Variants in TNIK observed in about 807,000 individuals in gnomAD.
The protein encoded by TNIK is TRAF2 and NCK interacting kinase.
A neutral mutation model predicts 191.3 loss-of-function variants in TNIK; 49 were observed. The observed-to-expected ratio is 0.26, with a 90% CI of 0.20 to 0.32. TNIK has a LOEUF of 0.32. TNIK is among the 10% of genes least tolerant of loss of function. TNIK has a pLI of 1.00. For missense variants in TNIK, 1,155 were observed against 1,702.3 expected (o/e 0.68, Z 5.66); for synonymous variants, 594 against 600.9 (o/e 0.99, Z 0.17).
chr3:171,071,043 TAGC>T (rs1319086476), intron 29 of TNIK, among the ~76,000 whole-genome samples, 177 bp downstream of exon 29: 1 of 152,350 alleles, frequency 6.6e-6, no homozygotes, highest in Non-Finnish European at 1.5e-5. Flanking sequence ...TCTAATTTTA[TAGC>T]ATTTACAAAT....
chr3:171,319,653 G>A (rs572533357), intron 2 of TNIK, among the ~76,000 whole-genome samples: 114 of 152,272 alleles, frequency 7.5e-4, no homozygotes, highest in Non-Finnish European at 1.2e-3. Flanking sequence ...ATGGATTTAT[G>A]AGCAGTTGAT....
At chr3:171,220,273 A>C (rs1742136497) in intron 3 of TNIK, among the ~76,000 whole-genome samples, 1 of 152,146 alleles carries the variant, frequency 6.6e-6, no homozygotes, top group Admixed American at 6.6e-5. Context: ...GGAGAGCATT[A>C]GGAGAAACAC....
intron 3 of TNIK, among the ~76,000 whole-genome samples, chr3:171,213,613 T>C (rs1401220610): frequency 1.3e-5 from 2 of 152,120 alleles, no homozygotes; most frequent in East Asian, 3.9e-4. Flanking sequence ...GAAGGCACTA[T>C]GTAATTAAAT....
intron 2 of TNIK, among the ~76,000 whole-genome samples, chr3:171,350,636 T>A (rs1268224539): frequency 2.9e-5 from 4 of 136,884 alleles, no homozygotes; most frequent in Admixed American, 7.3e-5. Context: ...AGAAACTCAA[T>A]CCTGTAACTG....
At chr3:171,252,597 T>C (rs1443893936) in intron 2 of TNIK, among the ~76,000 whole-genome samples, 1 of 152,192 alleles carries the variant, frequency 6.6e-6, no homozygotes, top group Non-Finnish European at 1.5e-5. Context: ...GAAGGTAAAA[T>C]ACTGAAGCAA....
chr3:171,370,175 C>T (rs1716299766), intron 1 of TNIK, among the ~76,000 whole-genome samples: 1 of 152,092 alleles, frequency 6.6e-6, no homozygotes, highest in Non-Finnish European at 1.5e-5. Flanking sequence ...CAACAGTTTC[C>T]AAGGGAAAAT....
intron 10 of TNIK, among the ~76,000 whole-genome samples, chr3:171,162,884 A>G (rs1734182154): frequency 6.6e-6 from 1 of 152,228 alleles, no homozygotes; most frequent in Non-Finnish European, 1.5e-5. Context: ...TATATGCTAA[A>G]TAGCAGTACA....
chr3:171,451,480 A>G (rs1728167611), intron 1 of TNIK, among the ~76,000 whole-genome samples: 1 of 152,258 alleles, frequency 6.6e-6, no homozygotes, highest in Non-Finnish European at 1.5e-5. Context: ...TGGCCCACAG[A>G]AACTGTGAGA....
intron 6 of TNIK, among the ~76,000 whole-genome samples, chr3:171,190,456 AT>A (rs981000953): frequency 1.3e-5 from 2 of 152,212 alleles, no homozygotes; most frequent in Non-Finnish European, 2.9e-5. Flanking sequence ...AAACAAAAAA[AT>A]CTCAATTATT....
intron 2 of TNIK, among the ~76,000 whole-genome samples, chr3:171,360,026 T>C (rs1207095678): frequency 2.6e-5 from 4 of 152,198 alleles, no homozygotes; most frequent in African/African-American, 9.6e-5. Flanking sequence ...TGGCAACTCA[T>C]TGATACAATA....
chr3:171,264,065 CAT>C (rs1168948659), intron 2 of TNIK, among the ~76,000 whole-genome samples: 13 of 76,506 alleles, frequency 1.7e-4, no homozygotes, highest in South Asian at 1.3e-3. Flanking sequence ...TATATATATA[CAT>C]ACACACACAC....
intron 27 of TNIK, among the ~76,000 whole-genome samples, chr3:171,081,821 A>G (rs1447718150): frequency 3.9e-5 from 6 of 151,926 alleles, no homozygotes; most frequent in African/African-American, 1.2e-4. Flanking sequence ...TGCACCTGCC[A>G]AAACATCAGT....
chr3:171,333,584 GAAAAAAA>G (rs562856294), intron 2 of TNIK, among the ~76,000 whole-genome samples: 3 of 114,246 alleles, frequency 2.6e-5, no homozygotes, highest in Non-Finnish European at 3.7e-5. Context: ...CAAAAAGAAA[GAAAAAAA>G]AAAAAAAAAA....
intron 2 of TNIK, among the ~76,000 whole-genome samples, chr3:171,302,646 C>A (rs768611845): frequency 1.1e-4 from 17 of 152,096 alleles, no homozygotes; most frequent in Non-Finnish European, 2.4e-4. Context: ...TAAATTCTGG[C>A]AGAAGTCCTA....
rs377161750 is a variant in TNIK at position 171,252,407 on chromosome 3, G to A, written c.124-24186C>T. 1.4e-4 allele frequency among the ~76,000 whole-genome samples: 22 copies of A among 152,268 alleles called. No individual in the cohort carries two copies. The East Asian group carries it at 2.5e-3, about 17-fold the overall frequency. ...GCAGATGTAATTAAAAATGAGGGGAGGAGAAGAGAGGAATAAACAAAACCA... is the reference window on the plus strand; with the variant it reads ...GCAGATGTAATTAAAAATGAGGGGAAGAGAAGAGAGGAATAAACAAAACCA... On this transcript the variant is annotated intron_variant, in intron 2 of 32. Coordinates refer to ENST00000436636, the MANE Select transcript of TNIK (RefSeq NM_015028.4).
At chr3:171,448,472 G>T (rs1727779442) in intron 1 of TNIK, among the ~76,000 whole-genome samples, 1 of 151,488 alleles carries the variant, frequency 6.6e-6, no homozygotes. Context: ...ATATTCCATT[G>T]TAAGGATATA....
chr3:171,417,796 A>C (rs1723281955), intron 1 of TNIK, among the ~76,000 whole-genome samples: 1 of 152,062 alleles, frequency 6.6e-6, no homozygotes. Context: ...CCTATAATCA[A>C]AGGGCTTTGA....
intron 7 of TNIK, among the ~76,000 whole-genome samples, chr3:171,180,180 C>G (rs1244270340): frequency 6.6e-6 from 1 of 152,138 alleles, no homozygotes; most frequent in Non-Finnish European, 1.5e-5. Flanking sequence ...AAGGAAAATG[C>G]TCGAAGGCCC....
intron 7 of TNIK, among the ~76,000 whole-genome samples, chr3:171,179,515 A>C (rs1468610734): frequency 6.6e-6 from 1 of 151,610 alleles, no homozygotes; most frequent in African/African-American, 2.4e-5. Context: ...GCAGTGGTGC[A>C]ATCTTGGCTC....
Sources: gnomAD v4.1 joint callset for allele counts (sites outside exome capture counted in the v4.1 genomes callset) on GRCh38, gnomAD v4.1.1 for gene constraint, MANE v1.5 for transcripts, NCBI Gene and HGNC (gene_info 2026-07-23, HGNC 2026-07-21) for gene names.